Variants in NSD2 observed in about 807,000 individuals in gnomAD.
NSD2 encodes the protein histone-lysine N-methyltransferase NSD2.
A neutral mutation model predicts 139.0 loss-of-function variants in NSD2; 12 were observed. The ratio of observed to expected loss-of-function variants is 0.09; its 90% CI spans 0.06 to 0.14. The LOEUF (loss-of-function observed/expected upper bound fraction) is 0.14, where lower values mean the gene tolerates loss of function less well. Among genes scored for constraint, NSD2 ranks in the 10% least tolerant of loss-of-function variants. NSD2 has a pLI of 1.00. For synonymous variants in NSD2, 669 were observed against 648.7 expected (o/e 1.03, Z -0.48); for missense variants, 1,155 against 1,745.0 (o/e 0.66, Z 6.02).
At chr4:1,914,137 C>T (rs1719048169) in intron 3 of NSD2, among the ~76,000 whole-genome samples, 1 of 152,152 alleles carries the variant, frequency 6.6e-6, no homozygotes. Context: ...ATTCTCGTGC[C>T]TCAGCCTCCC....
At chr4:1,886,615 A>G (rs1364506111) in intron 1 of NSD2, among the ~76,000 whole-genome samples, 1 of 152,150 alleles carries the variant, frequency 6.6e-6, no homozygotes, top group Admixed American at 6.6e-5. Context: ...GCAGATCACA[A>G]GGTCAGGAGA....
chr4:1,881,269 C>T (rs9993250), intron 1 of NSD2, among the ~76,000 whole-genome samples: 9,296 of 152,036 alleles, frequency 0.061, 971 homozygotes, highest in African/African-American at 0.21. Context: ...GTTTTTGTTT[C>T]TGTTTTTTTG....
At chr4:1,967,134 C>T (rs566740912) in intron 18 of NSD2, among the ~76,000 whole-genome samples, 1 of 152,246 alleles carries the variant, frequency 6.6e-6, no homozygotes, top group South Asian at 2.1e-4. Context: ...GATTATAAGA[C>T]AGTACTGTGA....
chr4:1,923,096 G>A (rs1720375977), intron 5 of NSD2, among the ~76,000 whole-genome samples: 1 of 152,130 alleles, frequency 6.6e-6, no homozygotes, highest in Non-Finnish European at 1.5e-5. Context: ...AACTTGGCCA[G>A]CATGGGAGAG....
chr4:1,900,311 T>C (rs1245641795), intron 1 of NSD2, among the ~76,000 whole-genome samples: 2 of 152,188 alleles, frequency 1.3e-5, no homozygotes, highest in South Asian at 2.1e-4. Context: ...TCAGGGATGA[T>C]TGGCAAGTTA....
At chr4:1,876,129 G>T (rs921943860) in intron 1 of NSD2, among the ~76,000 whole-genome samples, 2 of 151,608 alleles carry the variant, frequency 1.3e-5, no homozygotes, top group African/African-American at 4.9e-5. Context: ...CAGGAGAATG[G>T]TGTGAACCTG....
Position 1,974,699 on chromosome 4 carries a change from A to G in NSD2, c.3373-164A>G. 1 of 986,004 alleles carries G rather than the reference A, an allele frequency of 1.0e-6. No individual in the cohort carries two copies. The highest frequency in any genetic ancestry group is 1.6e-6 in the Non-Finnish European group (1 of 621,066). 61.1% of individuals were successfully genotyped at this position (986,004 alleles called of 1,614,324 possible). ...CCTGTCCTCTGTGAGCAAGAGAAAC[A>G]GGACTGGTTTGGGGGTGTCCTGTCT... On this transcript the variant is annotated intron_variant, in intron 18 of 21. Transcript: ENST00000508803. The surrounding 1 kb of genome is among the most constrained non-coding windows in gnomAD (Gnocchi z 4.0).
rs1725009861 is a variant in NSD2, at chr4:1,958,053, G to A, written c.2985+17G>A. ...CACATCAAGGTGGCGTGTGGGAGCT[G>A]CGTGCACGCGTGTGGAGGGAGTCTT... On this transcript the variant is annotated intron_variant, in intron 16 of 21. Coordinates refer to ENST00000508803, the MANE Select transcript of NSD2 (RefSeq NM_001042424.3). This position sits in a 1 kb window ranked among gnomAD's most constrained non-coding sequence, Gnocchi z 4.6. 1 of 1,610,694 alleles carries A rather than the reference G, an allele frequency of 6.2e-7. No homozygotes were observed. Among genetic ancestry groups the A allele is most frequent in the Admixed American group, 1.7e-5 (1 of 59,838 alleles).
chr4:1,938,318 C>G lies in NSD2; in HGVS notation c.1675-133C>G, dbSNP rs910332412. The G allele has an allele frequency of 2.3e-5, 16 of 710,682 alleles. No homozygotes were observed. The African/African-American group carries it at 2.8e-4, about 12-fold the overall frequency. The allele number at this position is 710,682 out of a possible 1,614,324, so 44.0% of individuals were successfully genotyped here. A position where few individuals can be genotyped will look rare whatever the true frequency, so the allele number is the denominator to read the frequency against. ...TTCTGCCACGAAACTTTTCAGCAAC[C>G]TGTGTTCATTCACATGAGGAGATTT... On this transcript the variant is annotated intron_variant, in intron 7 of 21. Coordinates refer to ENST00000508803, the MANE Select transcript of NSD2 (RefSeq NM_001042424.3).
chr4:1,926,422 C>T (rs950809599), intron 5 of NSD2, among the ~76,000 whole-genome samples: 2 of 151,374 alleles, frequency 1.3e-5, no homozygotes, highest in South Asian at 2.1e-4. Flanking sequence ...CAAAGTGCTG[C>T]GATTACAGGT....
intron 1 of NSD2, among the ~76,000 whole-genome samples, chr4:1,886,695 A>G (rs989086586): frequency 3.3e-5 from 5 of 152,006 alleles, no homozygotes; most frequent in Non-Finnish European, 7.4e-5. Flanking sequence ...AAAATTAGCC[A>G]GGCGTGGTGG....
At position 1,955,088 on chromosome 4, in the gene NSD2, A is replaced by G. The variant is rs1042876907; in HGVS notation, c.2339-73A>G. 1 of 1,433,250 alleles carries G rather than the reference A, an allele frequency of 7.0e-7. No homozygotes were observed. Among genetic ancestry groups the G allele is most frequent in the African/African-American group, 1.4e-5 (1 of 70,926 alleles). 88.8% of individuals were successfully genotyped at this position (1,433,250 alleles called of 1,614,324 possible). ...TTTTCAAATTCATGGAGGCTGAGTA[A>G]TTATTAGTTGCTCTTTTCACTATGA... On this transcript the variant is annotated intron_variant, in intron 12 of 21. Transcript: ENST00000508803. This position sits in a 1 kb window ranked among gnomAD's most constrained non-coding sequence, Gnocchi z 4.7.
At chr4:1,944,346 T>G (rs1723404274) in intron 9 of NSD2, 1 of 1,066,120 alleles carries the variant, frequency 9.4e-7, no homozygotes, top group African/African-American at 1.6e-5. Flanking sequence ...AAATTCATTA[T>G]GCTGCTAATT....
At position 1,900,756 on chromosome 4, in the gene NSD2, G is replaced by T. The variant is rs777673792; in HGVS notation, c.102G>T (p.Lys34Asn). 6.2e-7 allele frequency: 1 copy of T among 1,614,196 alleles called. No individual in the cohort carries two copies. The highest frequency in any genetic ancestry group is 8.5e-7 in the Non-Finnish European group (1 of 1,180,040). Residue 34 changes from lysine to asparagine, a missense_variant, in exon 2 of 22, where the codon AAG becomes AAT. Lys to Asn is a moderately conservative substitution (Grantham distance 94). Around this residue, in one of 8 missense-constraint regions of NSD2, gnomAD observed 246 missense variants for 262.8 expected, o/e 0.94. Coordinates refer to ENST00000508803, the MANE Select transcript of NSD2 (RefSeq NM_001042424.3). Reference protein sequence around the residue: ...APEILGSANGKTPSCEVNREC... With the variant: ...APEILGSANGNTPSCEVNREC... The stretch of plus-strand genomic sequence containing the variant: ...AAATCCTCGGCAGTGCCAACGGGAA[G>T]ACTCCGAGCTGCGAGGTGAACCGCG...
chr4:1,893,546 T>TTG (rs1715821484), intron 1 of NSD2, among the ~76,000 whole-genome samples: 1 of 135,542 alleles, frequency 7.4e-6, no homozygotes, highest in African/African-American at 2.6e-5. Context: ...GTTTTTTGTT[T>TTG]TTTTTTTTTT....
intron 1 of NSD2, among the ~76,000 whole-genome samples, chr4:1,873,543 T>C (rs1577342749): frequency 6.6e-6 from 1 of 152,196 alleles, no homozygotes; most frequent in Admixed American, 6.5e-5. Context: ...AGCAGAGTCC[T>C]AGAATGAGTC....
chr4:1,922,694 G>A (rs1295659964), intron 5 of NSD2, among the ~76,000 whole-genome samples: 1 of 152,002 alleles, frequency 6.6e-6, no homozygotes, highest in Admixed American at 6.5e-5. Context: ...GGGAGGTCAA[G>A]GCAGGCGGAT....
At chr4:1,915,716 T>A (rs1443784750) in intron 3 of NSD2, among the ~76,000 whole-genome samples, 2 of 152,178 alleles carry the variant, frequency 1.3e-5, no homozygotes, top group Non-Finnish European at 2.9e-5. Flanking sequence ...AGGGTCTGAT[T>A]GGCCATTGAC....
At chr4:1,962,385 A>T (rs779773704) in intron 18 of NSD2, among the ~76,000 whole-genome samples, 3 of 152,188 alleles carry the variant, frequency 2.0e-5, no homozygotes, top group Admixed American at 6.5e-5. Context: ...AGTGGGAAAA[A>T]TTTTAATTTG....
Sources: allele counts gnomAD v4.1 joint callset (sites outside exome capture counted in the v4.1 genomes callset), GRCh38; gene constraint gnomAD v4.1.1; regional missense constraint gnomAD v4.1.1; non-coding constraint Gnocchi (gnomAD v3.1); transcripts MANE v1.5; gene names NCBI Gene and HGNC (gene_info 2026-07-23, HGNC 2026-07-21).